The following STX18 variants were observed in gnomAD, a reference collection of about 807,000 sequenced individuals.
The protein encoded by STX18 is syntaxin-18.
STX18 carries 40 observed loss-of-function variants against 50.1 expected under a neutral mutation model. The ratio of observed to expected loss-of-function variants is 0.80; its 90% CI spans 0.62 to 1.04. The LOEUF is 1.04. Ranked by LOEUF, STX18 falls within the 50% of genes least tolerant of loss-of-function variation. The pLI is 0.00. For missense variants in STX18, 410 were observed against 415.8 expected (o/e 0.99, Z 0.12); for synonymous variants, 158 against 151.8 (o/e 1.04, Z -0.30).
chr4:4,452,087 G>A (rs1478596762), intron 5 of STX18, among the ~76,000 whole-genome samples: 1 of 152,206 alleles, frequency 6.6e-6, no homozygotes, highest in Non-Finnish European at 1.5e-5. Context: ...GTGGTCTGGA[G>A]AGATCAAATC....
intron 1 of STX18, among the ~76,000 whole-genome samples, chr4:4,500,321 C>T (rs1729379846): frequency 6.6e-6 from 1 of 152,160 alleles, no homozygotes; most frequent in Admixed American, 6.5e-5. Flanking sequence ...TTCAACCAAC[C>T]ATGGACGGAA....
intron 1 of STX18, among the ~76,000 whole-genome samples, chr4:4,517,310 T>A (rs113366091): frequency 1.3e-5 from 2 of 152,202 alleles, no homozygotes; most frequent in Admixed American, 6.5e-5. Flanking sequence ...ACTGTGATAC[T>A]AAATAGAAAC....
intron 1 of STX18, among the ~76,000 whole-genome samples, chr4:4,502,982 C>T (rs1327961463): frequency 6.6e-6 from 1 of 152,186 alleles, no homozygotes; most frequent in East Asian, 1.9e-4. Flanking sequence ...CCTGGGGAAG[C>T]TGAGAACGTG....
intron 5 of STX18, among the ~76,000 whole-genome samples, chr4:4,455,061 C>A (rs897263545): frequency 2.6e-5 from 4 of 152,164 alleles, no homozygotes; most frequent in Non-Finnish European, 5.9e-5. Context: ...AGTTAAGCAA[C>A]CTGCTCAAAG....
intron 1 of STX18, among the ~76,000 whole-genome samples, chr4:4,522,601 T>C (rs1240474964): frequency 2.0e-5 from 3 of 152,122 alleles, no homozygotes; most frequent in Non-Finnish European, 4.4e-5. Flanking sequence ...GAGGAGCAAC[T>C]CACAGAGCAC....
chr4:4,429,063 C>T (rs1489501577), intron 7 of STX18, among the ~76,000 whole-genome samples: 2 of 152,156 alleles, frequency 1.3e-5, no homozygotes, highest in Non-Finnish European at 2.9e-5. Context: ...CCCCACCCTC[C>T]AACCATGGCA....
chr4:4,426,073 A>G (rs1725230708), intron 7 of STX18: 1 of 152,116 alleles, frequency 6.6e-6, no homozygotes, highest in South Asian at 2.1e-4. Flanking sequence ...CGCAGGCCCC[A>G]CTTCTCCAGG....
At chr4:4,485,445 G>A (rs1728656948) in intron 1 of STX18, among the ~76,000 whole-genome samples, 1 of 152,184 alleles carries the variant, frequency 6.6e-6, no homozygotes, top group African/African-American at 2.4e-5. Context: ...TTCTTGCAAT[G>A]GGTTCAAACC....
upstream of STX18, chr4:4,542,078 A>C: frequency 8.0e-7 from 1 of 1,250,022 alleles, no homozygotes; most frequent in Non-Finnish European, 1.0e-6. Context: ...CCCCCCGGCA[A>C]CGGCGACGCG....
At position 4,472,799 on chromosome 4, in the gene STX18, T is replaced by G. The variant is rs76927338; in HGVS notation, c.169-1093A>C. 3.6e-3 allele frequency among the ~76,000 whole-genome samples: 548 copies of G among 152,310 alleles called. 1 individual carries two copies. The highest frequency in any genetic ancestry group is 5.3e-3 in the Non-Finnish European group (361 of 68,028). ...AAACACTGTGGAATGAGTATATGCCTAAATACAAAATAGCATTGATCACAA... is the reference window on the plus strand; with the variant it reads ...AAACACTGTGGAATGAGTATATGCCGAAATACAAAATAGCATTGATCACAA... On this transcript the variant is annotated intron_variant, in intron 1 of 10. Transcript: ENST00000306200.
chr4:4,502,954 A>G (rs1560197351), intron 1 of STX18, among the ~76,000 whole-genome samples: 3 of 152,198 alleles, frequency 2.0e-5, no homozygotes, highest in African/African-American at 7.2e-5. Context: ...AACCTCAAAC[A>G]AAACAACGCT....
chr4:4,486,096 T>G (rs1055439443), intron 1 of STX18, among the ~76,000 whole-genome samples: 1 of 152,240 alleles, frequency 6.6e-6, no homozygotes, highest in Non-Finnish European at 1.5e-5. Context: ...TCCTCACTTG[T>G]GTGCTTTGAA....
At chr4:4,441,958 G>A (rs937230973) in intron 5 of STX18, among the ~76,000 whole-genome samples, 1 of 152,152 alleles carries the variant, frequency 6.6e-6, no homozygotes. Flanking sequence ...GTAAATGCTC[G>A]AATCTAGGGT....
chr4:4,536,073 A>G (rs763794347), intron 1 of STX18, among the ~76,000 whole-genome samples: 1 of 152,216 alleles, frequency 6.6e-6, no homozygotes, highest in Non-Finnish European at 1.5e-5. Flanking sequence ...TAGAATGTAA[A>G]TGTGTTGAGG....
intron 2 of STX18, among the ~76,000 whole-genome samples, chr4:4,461,703 C>CA (rs1727386627): frequency 6.6e-6 from 1 of 152,172 alleles, no homozygotes; most frequent in South Asian, 2.1e-4. Flanking sequence ...TGATGAGAGA[C>CA]AATAAGGGTG....
chr4:4,447,413 C>T (rs1051195633), intron 5 of STX18, among the ~76,000 whole-genome samples: 1 of 151,538 alleles, frequency 6.6e-6, no homozygotes, highest in South Asian at 2.1e-4. Context: ...CACGGTGAAA[C>T]CCCGTCTCTA....
intron 1 of STX18, among the ~76,000 whole-genome samples, chr4:4,515,524 G>A (rs9291146): frequency 0.15 from 23,528 of 152,014 alleles, 1,880 homozygotes; most frequent in Non-Finnish European, 0.18. Flanking sequence ...TAAGAGACAC[G>A]ATTTGAAATG....
Position 4,514,585 on chromosome 4 carries a change from C to T in STX18, c.168+27212G>A, listed in dbSNP as rs1730150862. Among the ~76,000 whole-genome samples the T allele has an allele frequency of 1.3e-5, 2 of 152,164 alleles. 1 individual carries two copies. The highest frequency in any genetic ancestry group is 4.1e-4 in the South Asian group (2 of 4,834). ...CAAGGAGCAAGTGCCTGTCACAAGCCAGGCACTGTGTTTTAAGCAGTAATA... is the reference window on the plus strand; with the variant it reads ...CAAGGAGCAAGTGCCTGTCACAAGCTAGGCACTGTGTTTTAAGCAGTAATA... On this transcript the variant is annotated intron_variant, in intron 1 of 10. Coordinates refer to ENST00000306200, the MANE Select transcript of STX18 (RefSeq NM_016930.4).
At chr4:4,540,056 G>A (rs1731507775) in intron 1 of STX18, among the ~76,000 whole-genome samples, 1 of 152,158 alleles carries the variant, frequency 6.6e-6, no homozygotes, top group Non-Finnish European at 1.5e-5. Flanking sequence ...AAACTGGGAG[G>A]GAGAGTGTCC....
Sources: allele counts gnomAD v4.1 joint callset (sites outside exome capture counted in the v4.1 genomes callset), GRCh38; gene constraint gnomAD v4.1.1; transcripts MANE v1.5; gene names NCBI Gene and HGNC (gene_info 2026-07-23, HGNC 2026-07-21).